The following MBD5 variants were observed in gnomAD, a reference collection of about 807,000 sequenced individuals.
The protein encoded by MBD5 is methyl-CpG binding domain protein 5, also known as methyl-CpG-binding domain protein 5.
Under a neutral mutation model 117.3 loss-of-function variants are expected in MBD5, and 13 were observed. The observed-to-expected ratio is 0.11, with a 90% CI of 0.07 to 0.18. MBD5 has a LOEUF of 0.18. Ranked by LOEUF, MBD5 falls within the 10% of genes least tolerant of loss-of-function variation. The pLI is 1.00. For missense variants in MBD5, 1,879 were observed against 2,093.8 expected (o/e 0.90, Z 2.00); for synonymous variants, 727 against 766.4 (o/e 0.95, Z 0.85).
chr2:148,303,385 A>G (rs1701818247), intron 3 of MBD5, among the ~76,000 whole-genome samples: 1 of 152,232 alleles, frequency 6.6e-6, no homozygotes, highest in Non-Finnish European at 1.5e-5. Flanking sequence ...GCTACATGAC[A>G]GGCCAGCCGG....
rs559978431 is a variant in MBD5, at chr2:148,400,758, A to G, written c.-556-57445A>G. Among the ~76,000 whole-genome samples, 5 of 152,202 alleles carry G rather than the reference A, an allele frequency of 3.3e-5. 1 individual carries two copies. The South Asian group carries it at 1.0e-3, about 32-fold the overall frequency. On this transcript the variant is annotated intron_variant, in intron 4 of 13. Coordinates refer to ENST00000642680, the MANE Select transcript of MBD5 (RefSeq NM_001378120.1). ...GACTTATCAAACTTGCAGTTAGCCA[A>G]ATGTCTTTTTTATGTCATATACTAT...
chr2:148,469,937 C>T lies in MBD5; in HGVS notation c.1994C>T (p.Thr665Ile). Reference sequence around the variant, plus strand: ...CGGAAAAGAAAACAACCACCTACGACAGTGTTGAGTTTGCTCAGACAGTCT... The same window carrying T: ...CGGAAAAGAAAACAACCACCTACGATAGTGTTGAGTTTGCTCAGACAGTCT... Reference protein sequence around the residue: ...ALRKRKQPPTTVLSLLRQSQM... With the variant: ...ALRKRKQPPTIVLSLLRQSQM... Residue 665 changes from threonine to isoleucine, a missense_variant, in exon 8 of 14, where the codon ACA becomes ATA. Thr to Ile is a moderately conservative substitution (Grantham distance 89). Around this residue, in one of 4 missense-constraint regions of MBD5, gnomAD observed 1,666 missense variants for 1,792.2 expected, o/e 0.93. Coordinates refer to ENST00000642680, the MANE Select transcript of MBD5 (RefSeq NM_001378120.1). 6.2e-7 allele frequency: 1 copy of T among 1,613,992 alleles called. No individual in the cohort carries two copies. The highest frequency in any genetic ancestry group is 8.5e-7 in the Non-Finnish European group (1 of 1,179,912).
At chr2:148,106,860 AT>A (rs1696385121) in intron 1 of MBD5, among the ~76,000 whole-genome samples, 1 of 151,940 alleles carries the variant, frequency 6.6e-6, no homozygotes, top group Non-Finnish European at 1.5e-5. Context: ...TATTCATTTA[AT>A]TTTGTCATTT....
chr2:148,346,777 G>A (rs1703133444), intron 4 of MBD5: 1 of 151,014 alleles, frequency 6.6e-6, no homozygotes, highest in Non-Finnish European at 1.5e-5. Flanking sequence ...TTAATGTTTT[G>A]TGTGCTTTAT....
chr2:148,154,143 G>C (rs1414154322), intron 1 of MBD5, among the ~76,000 whole-genome samples: 2 of 134,568 alleles, frequency 1.5e-5, no homozygotes, highest in Non-Finnish European at 3.2e-5. Flanking sequence ...CTGTTTGTTA[G>C]TTTTCCTTCT....
chr2:148,342,573 C>A (rs1342372913), intron 4 of MBD5, among the ~76,000 whole-genome samples: 4 of 151,556 alleles, frequency 2.6e-5, no homozygotes, highest in Admixed American at 6.6e-5. Context: ...GTTATCCTAC[C>A]ACCTTCAGGT....
At chr2:148,060,696 A>G (rs779579453) in intron 1 of MBD5, among the ~76,000 whole-genome samples, 2 of 152,134 alleles carry the variant, frequency 1.3e-5, no homozygotes, top group East Asian at 1.9e-4. Context: ...TCCTTTTTTT[A>G]TAGTGATTGA....
chr2:148,103,505 C>T (rs1275012153), intron 1 of MBD5, among the ~76,000 whole-genome samples: 2 of 152,112 alleles, frequency 1.3e-5, no homozygotes, highest in Admixed American at 1.3e-4. Flanking sequence ...GGAACCTTTC[C>T]AGGAAGCAAC....
chr2:148,345,067 G>A (rs1005441649), intron 4 of MBD5, among the ~76,000 whole-genome samples: 12 of 151,596 alleles, frequency 7.9e-5, no homozygotes, highest in Non-Finnish European at 1.6e-4. Flanking sequence ...ATTTAACCAT[G>A]GAATGCATTC....
At chr2:148,440,286 T>C (rs978842312) in intron 4 of MBD5, among the ~76,000 whole-genome samples, 3 of 152,240 alleles carry the variant, frequency 2.0e-5, no homozygotes, top group African/African-American at 7.2e-5. Flanking sequence ...CCAAACTTTC[T>C]AATCCTTAGT....
intron 3 of MBD5, among the ~76,000 whole-genome samples, chr2:148,286,131 C>T (rs1221214726): frequency 1.3e-5 from 2 of 151,952 alleles, no homozygotes; most frequent in African/African-American, 4.8e-5. Context: ...TGAAATTTGC[C>T]GTTTGACTTA....
intron 4 of MBD5, among the ~76,000 whole-genome samples, chr2:148,437,340 A>G (rs954781159): frequency 7.2e-5 from 11 of 152,128 alleles, no homozygotes; most frequent in African/African-American, 2.7e-4. Context: ...GCAATATTAC[A>G]TACCCAAATC....
chr2:148,379,591 A>T (rs953352964), intron 4 of MBD5, among the ~76,000 whole-genome samples: 6 of 152,286 alleles, frequency 3.9e-5, no homozygotes, highest in African/African-American at 1.4e-4. Flanking sequence ...TGAGTGAAAA[A>T]ATTGGCAAAT....
Position 148,169,171 on chromosome 2 carries a change from G to A in MBD5, c.-924-9529G>A, listed in dbSNP as rs541368481. 7.2e-5 allele frequency among the ~76,000 whole-genome samples: 11 copies of A among 152,104 alleles called. 1 individual carries two copies. Among genetic ancestry groups the A allele is most frequent in the African/African-American group, 1.9e-4 (8 of 41,520 alleles). On this transcript the variant is annotated intron_variant, in intron 1 of 13. Coordinates refer to ENST00000642680, the MANE Select transcript of MBD5 (RefSeq NM_001378120.1). ...TTCTAAAAATTTTGTTTTAGTGACT[G>A]TAGGCCTATTGACATAGACTTTCAT...
rs34659671 is a variant in MBD5 at position 148,224,509 on chromosome 2, A to ATTTT, written c.-830-8708_-830-8705dup. ...GGGTGCACGTTGCCACGCCTGGCTA[A>ATTTT]TTTTTTTTTTTTTTTTTTTTTTTTT... is the stretch of plus-strand genomic sequence containing the variant. On this transcript the variant is annotated intron_variant, in intron 2 of 13. Coordinates refer to ENST00000642680, the MANE Select transcript of MBD5 (RefSeq NM_001378120.1). 2.8e-4 allele frequency among the ~76,000 whole-genome samples: 16 copies of ATTTT among 58,180 alleles called. 1 individual carries two copies. Among genetic ancestry groups the ATTTT allele is most frequent in the Non-Finnish European group, 4.2e-4 (14 of 33,698 alleles). The allele number at this position is 58,180 out of a possible 152,430, so 38.2% of individuals were successfully genotyped here. A position where few individuals can be genotyped will look rare whatever the true frequency, so the allele number is the denominator to read the frequency against.
chr2:148,288,141 C>T (rs1448359030), intron 3 of MBD5, among the ~76,000 whole-genome samples: 1 of 151,346 alleles, frequency 6.6e-6, no homozygotes, highest in African/African-American at 2.4e-5. Flanking sequence ...TGGCTCACGC[C>T]TGTAATCCCA....
chr2:148,463,693 A>C (rs1216797090), intron 6 of MBD5, 46 bp from the exon 7 acceptor site: 1 of 1,598,262 alleles, frequency 6.3e-7, no homozygotes, highest in Non-Finnish European at 8.6e-7. Context: ...CTTTTTATTA[A>C]ATGTTTTTAC....
intron 4 of MBD5, among the ~76,000 whole-genome samples, chr2:148,362,491 GA>G (rs1703570351): frequency 6.6e-6 from 1 of 152,162 alleles, no homozygotes; most frequent in Non-Finnish European, 1.5e-5. Context: ...CCCAGTCAGG[GA>G]CATATACATA....
At chr2:148,132,179 TAATA>T (rs763252956) in intron 1 of MBD5, among the ~76,000 whole-genome samples, 2 of 152,052 alleles carry the variant, frequency 1.3e-5, no homozygotes, top group Non-Finnish European at 2.9e-5. Flanking sequence ...TGAAAGTGTT[TAATA>T]AATAGTCAAA....
Sources: allele counts gnomAD v4.1 joint callset (sites outside exome capture counted in the v4.1 genomes callset), GRCh38; gene constraint gnomAD v4.1.1; regional missense constraint gnomAD v4.1.1; transcripts MANE v1.5; gene names NCBI Gene and HGNC (gene_info 2026-07-23, HGNC 2026-07-21).